The following SLC1A4 variants were observed in gnomAD, a reference collection of about 807,000 sequenced individuals.
SLC1A4 encodes the protein solute carrier family 1 member 4, also known as neutral amino acid transporter A.
In SLC1A4, 19 loss-of-function variants were observed where a neutral mutation model predicts 37.7. The observed-to-expected ratio is 0.50, with a 90% confidence interval of 0.35 to 0.74. SLC1A4 has a LOEUF of 0.74. SLC1A4 is among the 30% of genes least tolerant of loss of function. The pLI, the probability that SLC1A4 is intolerant of heterozygous loss-of-function variation, is 0.01. For synonymous variants in SLC1A4, 299 were observed against 309.8 expected, an observed-to-expected ratio of 0.97 and a Z score of 0.37; for missense variants, 570 against 712.9, an observed-to-expected ratio of 0.80 and a Z score of 2.28.
chr2:65,009,538 T>C (rs1432415506), intron 3 of SLC1A4, among the ~76,000 whole-genome samples: 1 of 152,222 alleles, frequency 6.6e-6, no homozygotes. Flanking sequence ...CCAGTTAATT[T>C]GGAAATTAGA....
Position 64,989,763 on chromosome 2 carries a change from GCGC to G in SLC1A4, c.122_124del (p.Arg41del). The G allele has an allele frequency of 6.9e-7, 1 of 1,444,978 alleles. No individual in the cohort carries two copies. The highest frequency in any genetic ancestry group is 1.5e-5 in the South Asian group (1 of 68,464). The allele number at this position is 1,444,978 out of a possible 1,614,324, so 89.5% of individuals were successfully genotyped here. On this transcript the variant is annotated inframe_deletion, in exon 1 of 8. Transcript: ENST00000234256. Reference sequence around the variant, plus strand: ...CACGGCGTTGCGCGGGCTTCCTGCGGCGCCAAGCGCTGGTGCTGCTCACCGTGT... The same window carrying G: ...CACGGCGTTGCGCGGGCTTCCTGCGGCAAGCGCTGGTGCTGCTCACCGTGT...
chr2:64,989,879 G>C lies in SLC1A4; in HGVS notation c.236G>C (p.Gly79Ala). The change falls in exon 1 of 8, where the codon GGC becomes GCC. Residue 79 changes from glycine to alanine, a missense_variant. Transcript: ENST00000234256. ...CAGGTCACCTACCTGGCCTTCCCCG[G>C]CGAGATGCTGCTCCGCATGCTGCGC... is the stretch of plus-strand genomic sequence containing the variant. ...RTQVTYLAFP[G>A]EMLLRMLRMI... 1 of 1,545,060 alleles carries C rather than the reference G, an allele frequency of 6.5e-7. No homozygotes were observed. The highest frequency in any genetic ancestry group is 8.7e-7 in the Non-Finnish European group (1 of 1,149,476).
At chr2:65,011,329 C>T (rs1176878650) in intron 4 of SLC1A4, 4 of 152,166 alleles carry the variant, frequency 2.6e-5, no homozygotes, top group East Asian at 3.9e-4. Context: ...TACAGCGGCG[C>T]GATCTCGGCT....
chr2:64,998,398 AAC>A (rs1673346832), intron 1 of SLC1A4, among the ~76,000 whole-genome samples: 1 of 151,738 alleles, frequency 6.6e-6, no homozygotes, highest in South Asian at 2.1e-4. Flanking sequence ...CAGCCTGGGC[AAC>A]AAAGTGAGAC....
Position 65,016,551 on chromosome 2 carries a change from C to A in SLC1A4, c.912C>A (p.Gly304=). 3 of 1,614,082 alleles carry A rather than the reference C, an allele frequency of 1.9e-6. No homozygotes were observed. Among genetic ancestry groups the A allele is most frequent in the Non-Finnish European group, 2.5e-6 (3 of 1,179,934 alleles). Residue 304 remains glycine (G), a synonymous_variant, in exon 5 of 8, where the codon GGC becomes GGA. Transcript: ENST00000234256. The part of the protein sequence containing the change: ...LGKYIFASIL[G]HVIHGGIVLP... Reference sequence around the variant, plus strand: ...AATACATCTTCGCATCTATATTGGGCCATGTTATTCATGGAGGAATTGTTC... The same window carrying A: ...AATACATCTTCGCATCTATATTGGGACATGTTATTCATGGAGGAATTGTTC...
intron 1 of SLC1A4, among the ~76,000 whole-genome samples, chr2:64,991,223 C>T (rs1350887696): frequency 6.6e-6 from 1 of 152,114 alleles, no homozygotes; most frequent in Non-Finnish European, 1.5e-5. Flanking sequence ...CAACTGTTTC[C>T]ATTTCTCCTT....
rs772043226 is a variant in SLC1A4 at position 65,003,924 on chromosome 2, A to G, written c.571-29A>G. 22 of 1,594,106 alleles carry G rather than the reference A, an allele frequency of 1.4e-5. No homozygotes were observed. The South Asian group carries it at 2.2e-4, about 16-fold the overall frequency. ...GGTCGGTCTTCACCTGTGCACTAAC[A>G]GTGGGTTTTTTTTTCCTCTTGATCA... On this transcript the variant is annotated intron_variant, in intron 2 of 7. Coordinates refer to ENST00000234256, the MANE Select transcript of SLC1A4 (RefSeq NM_003038.5).
upstream of SLC1A4, among the ~76,000 whole-genome samples, chr2:64,989,157 C>A (rs1672928344): frequency 6.6e-6 from 1 of 151,696 alleles, no homozygotes; most frequent in African/African-American, 2.4e-5. Context: ...CCAGGATTGG[C>A]CGGCGCCGCC....
intron 1 of SLC1A4, among the ~76,000 whole-genome samples, chr2:64,996,921 G>C (rs1370576586): frequency 1.3e-5 from 2 of 152,204 alleles, no homozygotes; most frequent in South Asian, 2.1e-4. Flanking sequence ...AAGCAAAACT[G>C]TTTGCCAGAG....
In SLC1A4 at chr2:65,021,002, C is replaced by T. The variant is rs13398698; in HGVS notation, c.1455C>T (p.Gly485=). 116 of 1,614,236 alleles carry T rather than the reference C, an allele frequency of 7.2e-5. No homozygotes were observed. The African/African-American group carries it at 1.4e-3, about 19-fold the overall frequency. The change falls in exon 8 of 8, where the codon GGC becomes GGT. Residue 485 remains glycine, a synonymous_variant. Coordinates refer to ENST00000234256, the MANE Select transcript of SLC1A4 (RefSeq NM_003038.5). ...TGAATCAGAAGGCAACAAAGAAAGG[C>T]GAGCAGGAACTTGCTGAGGTGAAAG... ...HHLNQKATKK[G]EQELAEVKVE... is the part of the protein sequence containing the mutation.
At position 65,007,374 on chromosome 2, in the gene SLC1A4, A is replaced by G. The variant is rs567315958; in HGVS notation, c.634-3223A>G. Among the ~76,000 whole-genome samples, 8 of 151,960 alleles carry G rather than the reference A, an allele frequency of 5.3e-5. No individual in the cohort carries two copies. The South Asian group carries it at 6.2e-4, about 12-fold the overall frequency. Reference sequence around the variant, plus strand: ...GAGGAGCTATGGGGAGATGTGGGGGAAAAGTGATGTAGGCAGCAGGAACAG... The same window carrying G: ...GAGGAGCTATGGGGAGATGTGGGGGGAAAGTGATGTAGGCAGCAGGAACAG... On this transcript the variant is annotated intron_variant, in intron 3 of 7. Transcript: ENST00000234256.
chr2:65,002,856 G>A (rs560885937), intron 2 of SLC1A4, among the ~76,000 whole-genome samples: 16 of 152,048 alleles, frequency 1.1e-4, no homozygotes, highest in East Asian at 3.9e-4. Flanking sequence ...GATTACAGGC[G>A]TGAGCCACTG....
chr2:65,000,390 T>G (rs1031908126), intron 1 of SLC1A4: 2 of 152,230 alleles, frequency 1.3e-5, no homozygotes, highest in Admixed American at 6.5e-5. Context: ...ATCAATATGA[T>G]GTAACTGTAA....
At chr2:65,012,379 G>A (rs1429675503) in intron 4 of SLC1A4, among the ~76,000 whole-genome samples, 2 of 152,114 alleles carry the variant, frequency 1.3e-5, no homozygotes, top group African/African-American at 4.8e-5. Flanking sequence ...ATGAGCCACC[G>A]CGCCCAGCCT....
rs10194230 is a variant in SLC1A4, at chr2:65,016,915, T to G, written c.1034+242T>G. 0.56 allele frequency among the ~76,000 whole-genome samples: 84,946 copies of G among 152,166 alleles called. 24,545 individuals carry two copies. Among genetic ancestry groups the G allele is most frequent in the Middle Eastern group, 0.7 (205 of 294 alleles). ...CCCACCTCGGCCTTCCGAATAGCTGTGATTACAGGCATGCACAGCCACACC... is the reference window on the plus strand; with the variant it reads ...CCCACCTCGGCCTTCCGAATAGCTGGGATTACAGGCATGCACAGCCACACC... On this transcript the variant is annotated intron_variant, in intron 5 of 7. Transcript: ENST00000234256.
At chr2:65,007,270 TTGTGTG>T (rs57019332) in intron 3 of SLC1A4, among the ~76,000 whole-genome samples, 48,099 of 149,382 alleles carry the variant, frequency 0.32, 9,935 homozygotes, top group Non-Finnish European at 0.46. Context: ...AAGAGTGTGT[TTGTGTG>T]TGTGTGTGTG....
chr2:64,989,950 G>A lies in SLC1A4; in HGVS notation c.307G>A (p.Ala103Thr). The change falls in exon 1 of 8, where the codon GCC becomes ACC. Residue 103 changes from alanine (A) to threonine (T), a missense_variant. Transcript: ENST00000234256. ...LVVCSLVSGA[A>T]SLDASCLGRL... is the part of the protein sequence containing the mutation. Reference sequence around the variant, plus strand: ...GGTCTGCAGCCTGGTGTCGGGCGCCGCCTCGCTCGATGCCAGCTGCCTCGG... The same window carrying A: ...GGTCTGCAGCCTGGTGTCGGGCGCCACCTCGCTCGATGCCAGCTGCCTCGG... 6.4e-7 allele frequency: 1 copy of A among 1,572,310 alleles called. No individual in the cohort carries two copies.
chr2:65,022,470 G>A lies in SLC1A4; in HGVS notation c.*1324G>A, dbSNP rs1297992664. 6.6e-6 allele frequency: 1 copy of A among 151,952 alleles called. No individual in the cohort carries two copies. The highest frequency in any genetic ancestry group is 1.5e-5 in the Non-Finnish European group (1 of 67,978). 9.4% of individuals were successfully genotyped at this position (151,952 alleles called of 1,614,324 possible). A position where few individuals can be genotyped will look rare whatever the true frequency, so the allele number is the denominator to read the frequency against. ...CCTCTTACCTACCTCAGAGGGATTT[G>A]GTGAAGCAAACTGTTAATCTTCGAA... On this transcript the variant is annotated 3_prime_UTR_variant, in exon 8 of 8. Coordinates refer to ENST00000234256, the MANE Select transcript of SLC1A4 (RefSeq NM_003038.5).
intron 1 of SLC1A4, among the ~76,000 whole-genome samples, chr2:64,994,205 C>G (rs1673165603): frequency 6.6e-6 from 1 of 152,226 alleles, no homozygotes; most frequent in Admixed American, 6.5e-5. Context: ...TGAAATGGGA[C>G]AGAAGTCCCC....
Sources: allele counts gnomAD v4.1 joint callset (sites outside exome capture counted in the v4.1 genomes callset), GRCh38; gene constraint gnomAD v4.1.1; transcripts MANE v1.5; gene names NCBI Gene and HGNC (gene_info 2026-07-23, HGNC 2026-07-21).